SLCO1B3: variants seen among roughly 807,000 people sequenced by gnomAD.
The protein encoded by SLCO1B3 is solute carrier organic anion transporter family member 1B3, also known as liver-specific organic anion transporter 2.
A neutral mutation model predicts 71.8 loss-of-function variants in SLCO1B3; 72 were observed. The observed-to-expected ratio is 1.00, with a 90% CI of 0.83 to 1.22. The LOEUF (loss-of-function observed/expected upper bound fraction) is 1.22, where lower values mean the gene tolerates loss of function less well. Ranked by LOEUF, SLCO1B3 falls within the 50% of genes most tolerant of loss-of-function variation. The probability of loss-of-function intolerance (pLI) is 0.00; values close to 1 mark genes in which losing one functional copy is unlikely to be tolerated. For missense variants in SLCO1B3, 911 were observed against 819.7 expected (o/e 1.11, Z -1.36); for synonymous variants, 298 against 278.4 (o/e 1.07, Z -0.70).
chr12:20,828,166 A>G (rs1864466087), intron 3 of SLCO1B3, among the ~76,000 whole-genome samples: 1 of 152,144 alleles, frequency 6.6e-6, no homozygotes, highest in African/African-American at 2.4e-5. Context: ...TCCAAAAGGA[A>G]AGAGATTCAT....
At chr12:20,913,818 C>T (rs921736573) in intron 15 of SLCO1B3, among the ~76,000 whole-genome samples, 17 of 152,182 alleles carry the variant, frequency 1.1e-4, no homozygotes, top group African/African-American at 4.1e-4. Flanking sequence ...GTGGCTTGAA[C>T]ATGGCTCACT....
At position 20,831,780 on chromosome 12, in the gene SLCO1B3, A is replaced by C. The variant is rs370520731; in HGVS notation, c.84+15958A>C. Reference sequence around the variant, plus strand: ...CATACAGACAGAGATAATTAAAACAATGGTAAAAATAGATCTAATTCAGCA... The same window carrying C: ...CATACAGACAGAGATAATTAAAACACTGGTAAAAATAGATCTAATTCAGCA... On this transcript the variant is annotated intron_variant, in intron 3 of 15. Coordinates refer to ENST00000381545, the MANE Select transcript of SLCO1B3 (RefSeq NM_019844.4). Among the ~76,000 whole-genome samples, 161 of 152,338 alleles carry C rather than the reference A, an allele frequency of 1.1e-3. 4 individuals are homozygous for C. The South Asian group carries it at 0.033, about 31-fold the overall frequency.
intron 5 of SLCO1B3, among the ~76,000 whole-genome samples, chr12:20,859,210 C>G (rs1865202950): frequency 1.3e-5 from 2 of 152,146 alleles, no homozygotes; most frequent in Admixed American, 1.3e-4. Flanking sequence ...AAAGAGTGCA[C>G]ACAGGCTGAG....
chr12:20,898,562 CTG>C lies in SLCO1B3; in HGVS notation c.1747+63_1747+64del, dbSNP rs1866064667. ...AAATATTAATGTTAAATACTAAAGA[CTG>C]AATGCAATTAATTTTCAACTATAAG... On this transcript the variant is annotated intron_variant, in intron 14 of 15. Coordinates refer to ENST00000381545, the MANE Select transcript of SLCO1B3 (RefSeq NM_019844.4). The C allele has an allele frequency of 1.2e-5, 9 of 732,782 alleles. No homozygotes were observed. The South Asian group carries it at 1.4e-4, about 12-fold the overall frequency. 45.4% of individuals were successfully genotyped at this position (732,782 alleles called of 1,614,324 possible). A position where few individuals can be genotyped will look rare whatever the true frequency, so the allele number is the denominator to read the frequency against.
intron 2 of SLCO1B3, among the ~76,000 whole-genome samples, chr12:20,814,839 G>C (rs1315074497): frequency 6.6e-6 from 1 of 151,568 alleles, no homozygotes; most frequent in Non-Finnish European, 1.5e-5. Context: ...AGAGCTTACA[G>C]TGAGCCGAGA....
At chr12:20,858,389 G>A (rs765804039) in intron 4 of SLCO1B3, 50 bp from the exon 5 acceptor site, 27 of 1,342,816 alleles carry the variant, frequency 2.0e-5, no homozygotes, top group Non-Finnish European at 2.5e-5. Context: ...AGTTCTACTA[G>A]ATACAAAATT....
At chr12:20,868,843 G>C (rs1865422604) in intron 8 of SLCO1B3, among the ~76,000 whole-genome samples, 1 of 152,174 alleles carries the variant, frequency 6.6e-6, no homozygotes, top group African/African-American at 2.4e-5. Flanking sequence ...ATGTCCACTA[G>C]ACAGGGGGCC....
At chr12:20,889,820 A>G (rs746876111) in intron 13 of SLCO1B3, among the ~76,000 whole-genome samples, 12 of 151,960 alleles carry the variant, frequency 7.9e-5, no homozygotes, top group Non-Finnish European at 1.3e-4. Context: ...TGTTGTGGGC[A>G]TTTAATGCTA....
At chr12:20,826,915 A>G (rs1864435898) in intron 3 of SLCO1B3, among the ~76,000 whole-genome samples, 1 of 152,108 alleles carries the variant, frequency 6.6e-6, no homozygotes, top group African/African-American at 2.4e-5. Flanking sequence ...TAAATTGGAA[A>G]TAACCCAGAT....
chr12:20,841,294 G>T (rs1006118299), intron 3 of SLCO1B3, among the ~76,000 whole-genome samples: 34 of 151,898 alleles, frequency 2.2e-4, no homozygotes, highest in Admixed American at 2.2e-3. Context: ...AAAAAATGGC[G>T]CCCTCCAACT....
intron 13 of SLCO1B3, among the ~76,000 whole-genome samples, chr12:20,886,747 C>G (rs1865799215): frequency 6.6e-6 from 1 of 151,970 alleles, no homozygotes; most frequent in South Asian, 2.1e-4. Context: ...TTTAGAGATA[C>G]AATTGTAGTT....
At chr12:20,896,462 G>A (rs889616536) in intron 13 of SLCO1B3, among the ~76,000 whole-genome samples, 9 of 152,074 alleles carry the variant, frequency 5.9e-5, no homozygotes, top group Non-Finnish European at 5.9e-5. Context: ...TAGGGCAGGG[G>A]CAAAATACTG....
intron 3 of SLCO1B3, among the ~76,000 whole-genome samples, chr12:20,842,363 T>A (rs1864820454): frequency 6.6e-6 from 1 of 152,240 alleles, no homozygotes; most frequent in Non-Finnish European, 1.5e-5. Context: ...TACTGACTTT[T>A]GTTTATATAT....
Position 20,879,603 on chromosome 12 carries a change from G to T in SLCO1B3, c.1303G>T (p.Val435Phe), listed in dbSNP as rs373665461. Reference protein sequence around the residue: ...YFPLICESKSVAGLTLTYDGN... With the variant: ...YFPLICESKSFAGLTLTYDGN... ...CCCTCTAATCTGCGAAAGCAAATCA[G>T]TTGCCGGCCTAACCTTGACCTATGA... Residue 435 changes from valine to phenylalanine, a missense_variant, in exon 11 of 16, where the codon GTT becomes TTT. By Grantham distance (50) the Val-to-Phe change is conservative. Coordinates refer to ENST00000381545, the MANE Select transcript of SLCO1B3 (RefSeq NM_019844.4). 2 of 1,611,378 alleles carry T rather than the reference G, an allele frequency of 1.2e-6. No homozygotes were observed. The highest frequency in any genetic ancestry group is 1.7e-5 in the Admixed American group (1 of 59,678).
At chr12:20,825,064 T>C (rs1298301392) in intron 3 of SLCO1B3, among the ~76,000 whole-genome samples, 1 of 152,168 alleles carries the variant, frequency 6.6e-6, no homozygotes, top group African/African-American at 2.4e-5. Context: ...GTCTCTCAAA[T>C]CTTATAAACA....
chr12:20,862,037 A>G (rs1417626007), intron 6 of SLCO1B3, among the ~76,000 whole-genome samples: 5 of 152,280 alleles, frequency 3.3e-5, no homozygotes, highest in Non-Finnish European at 7.4e-5. Flanking sequence ...TAAAATTTTA[A>G]TATAGAAGAA....
At chr12:20,849,088 T>C (rs1219211595) in intron 3 of SLCO1B3, among the ~76,000 whole-genome samples, 1 of 151,934 alleles carries the variant, frequency 6.6e-6, no homozygotes, top group Non-Finnish European at 1.5e-5. Context: ...AAGCTCTCTG[T>C]AATTTATGGT....
At chr12:20,819,224 AGTT>A (rs1294580683) in intron 3 of SLCO1B3, among the ~76,000 whole-genome samples, 4 of 152,070 alleles carry the variant, frequency 2.6e-5, no homozygotes, top group East Asian at 1.9e-4. Context: ...GAAGGAAAGG[AGTT>A]GTTGTTTTGT....
At chr12:20,861,170 C>G (rs1865256844) in intron 6 of SLCO1B3, 32 bp downstream of exon 6, 1 of 1,509,572 alleles carries the variant, frequency 6.6e-7, no homozygotes, top group African/African-American at 1.4e-5. Context: ...AAAACAAATT[C>G]TAGATTGATA....
Sources: allele counts gnomAD v4.1 joint callset (sites outside exome capture counted in the v4.1 genomes callset), GRCh38; gene constraint gnomAD v4.1.1; transcripts MANE v1.5; gene names NCBI Gene and HGNC (gene_info 2026-07-23, HGNC 2026-07-21).